Variants in SMYD3 observed in about 807,000 individuals in gnomAD.
The protein encoded by SMYD3 is histone-lysine N-methyltransferase SMYD3.
Under a neutral mutation model 57.7 loss-of-function variants are expected in SMYD3, and 36 were observed. The observed-to-expected ratio is 0.62, with a 90% confidence interval of 0.48 to 0.82. SMYD3 has a LOEUF of 0.82. SMYD3 is among the 40% of genes least tolerant of loss of function. The pLI is 0.00. For synonymous variants in SMYD3, 211 were observed against 195.0 expected (o/e 1.08, Z -0.68); for missense variants, 515 against 538.8 (o/e 0.96, Z 0.44).
chr1:245,753,938 T>C (rs1223868886), intron 11 of SMYD3, among the ~76,000 whole-genome samples: 2 of 152,184 alleles, frequency 1.3e-5, no homozygotes, highest in African/African-American at 4.8e-5. Flanking sequence ...AGCTTATCTC[T>C]TTCCATTAAA....
At chr1:246,237,684 G>A (rs1433809755) in intron 5 of SMYD3, among the ~76,000 whole-genome samples, 1 of 152,154 alleles carries the variant, frequency 6.6e-6, no homozygotes, top group East Asian at 1.9e-4. Context: ...TTAAAAAGCT[G>A]AAGTGAGAAT....
At chr1:246,015,620 T>C (rs112950587) in intron 5 of SMYD3, among the ~76,000 whole-genome samples, 8,958 of 152,152 alleles carry the variant, frequency 0.059, 288 homozygotes, top group African/African-American at 0.068. Flanking sequence ...TCCCCTCAGA[T>C]CCTGGTACCC....
chr1:245,948,244 G>A (rs187439232), intron 5 of SMYD3, among the ~76,000 whole-genome samples: 147 of 152,180 alleles, frequency 9.7e-4, no homozygotes, highest in African/African-American at 1.9e-4. Context: ...GGACGGAATC[G>A]CAACTGGAAA....
chr1:246,437,648 A>G (rs2103015909), intron 1 of SMYD3, among the ~76,000 whole-genome samples: 1 of 152,354 alleles, frequency 6.6e-6, no homozygotes, highest in Non-Finnish European at 1.5e-5. Flanking sequence ...TTGCTAAAAG[A>G]TAACGCTATG....
intron 11 of SMYD3, 22 bp from the exon 12 acceptor site, chr1:245,749,686 G>C: frequency 6.3e-7 from 1 of 1,597,510 alleles, no homozygotes; most frequent in Admixed American, 1.7e-5. Context: ...GGACGGAAGA[G>C]AGATTAGACC....
At chr1:245,905,691 T>C (rs980055068) in intron 8 of SMYD3, among the ~76,000 whole-genome samples, 19 of 152,202 alleles carry the variant, frequency 1.2e-4, no homozygotes, top group Non-Finnish European at 1.8e-4. Flanking sequence ...CACCTGCTGA[T>C]TGTAGAGCCC....
chr1:246,303,291 G>A (rs1189196889), intron 5 of SMYD3, among the ~76,000 whole-genome samples: 3 of 152,210 alleles, frequency 2.0e-5, no homozygotes, highest in South Asian at 4.1e-4. Context: ...CAAGATTCCT[G>A]CACCCCTGGA....
intron 5 of SMYD3, among the ~76,000 whole-genome samples, chr1:246,274,119 C>T (rs1210490834): frequency 2.0e-5 from 3 of 152,226 alleles, no homozygotes; most frequent in East Asian, 3.9e-4. Context: ...CCTGTGTATT[C>T]GAGTCAAAAG....
At chr1:246,171,151 T>C (rs1467616641) in intron 5 of SMYD3, among the ~76,000 whole-genome samples, 1 of 152,180 alleles carries the variant, frequency 6.6e-6, no homozygotes, top group Admixed American at 6.5e-5. Flanking sequence ...ACGCATTGGG[T>C]GAGGTAGAAC....
chr1:246,157,458 T>C (rs2062039365), intron 5 of SMYD3, among the ~76,000 whole-genome samples: 1 of 152,140 alleles, frequency 6.6e-6, no homozygotes. Context: ...TCAGGCATCA[T>C]GGGTGGATCA....
intron 1 of SMYD3, among the ~76,000 whole-genome samples, chr1:246,499,198 G>C (rs2068417805): frequency 6.6e-6 from 1 of 151,732 alleles, no homozygotes; most frequent in Non-Finnish European, 1.5e-5. Context: ...CAGCTATTCG[G>C]GGGACTGAGG....
intron 5 of SMYD3, among the ~76,000 whole-genome samples, chr1:246,233,829 C>T (rs2063466815): frequency 7.4e-6 from 1 of 135,314 alleles, no homozygotes; most frequent in Admixed American, 7.5e-5. Flanking sequence ...GAGAAGCACT[C>T]CTTCAATCCA....
chr1:246,039,024 G>T (rs1012326936), intron 5 of SMYD3, among the ~76,000 whole-genome samples: 1 of 152,144 alleles, frequency 6.6e-6, no homozygotes, highest in African/African-American at 2.4e-5. Context: ...GTCTCTACCA[G>T]AGTTTAATAT....
At chr1:245,814,916 G>A (rs1452987679) in intron 10 of SMYD3, among the ~76,000 whole-genome samples, 2 of 151,680 alleles carry the variant, frequency 1.3e-5, no homozygotes. Context: ...TATCTTCACT[G>A]AAGGCTCCCA....
chr1:245,838,022 G>C (rs2050186177), intron 10 of SMYD3, among the ~76,000 whole-genome samples: 1 of 152,184 alleles, frequency 6.6e-6, no homozygotes, highest in Non-Finnish European at 1.5e-5. Context: ...TTGAAAATAT[G>C]ATCTCTGACT....
chr1:246,212,196 A>T (rs2063099969), intron 5 of SMYD3, among the ~76,000 whole-genome samples: 1 of 152,066 alleles, frequency 6.6e-6, no homozygotes, highest in Non-Finnish European at 1.5e-5. Flanking sequence ...ACTTTTAAAT[A>T]TGCAAATTTA....
chr1:245,797,545 A>AG (rs1184006507), intron 10 of SMYD3, among the ~76,000 whole-genome samples: 63 of 135,472 alleles, frequency 4.7e-4, no homozygotes, highest in East Asian at 2.9e-3. Context: ...GGGAGGGGGT[A>AG]GGATAGCATT....
intron 1 of SMYD3, among the ~76,000 whole-genome samples, chr1:246,356,010 C>A (rs951297393): frequency 6.6e-6 from 1 of 152,190 alleles, no homozygotes; most frequent in Admixed American, 6.5e-5. Context: ...AAAGCACCAA[C>A]TCCTGGCTGG....
chr1:246,057,465 A>G (rs1421729950), intron 5 of SMYD3, among the ~76,000 whole-genome samples: 1 of 152,212 alleles, frequency 6.6e-6, no homozygotes, highest in Non-Finnish European at 1.5e-5. Flanking sequence ...TTAAAAATGT[A>G]TGATGGATAC....
Sources: gnomAD v4.1 joint callset for allele counts (sites outside exome capture counted in the v4.1 genomes callset) on GRCh38, gnomAD v4.1.1 for gene constraint, MANE v1.5 for transcripts, NCBI Gene and HGNC (gene_info 2026-07-23, HGNC 2026-07-21) for gene names.